The following PTPRK variants were observed in gnomAD, a reference collection of about 807,000 sequenced individuals.
The protein encoded by PTPRK is protein tyrosine phosphatase receptor type K.
PTPRK carries 75 observed loss-of-function variants against 178.0 expected under a neutral mutation model. That is an observed-to-expected ratio of 0.42 (90% CI 0.35 to 0.51). The LOEUF is 0.51. Among genes scored for constraint, PTPRK ranks in the 20% least tolerant of loss-of-function variants. The pLI is 0.02. For synonymous variants in PTPRK, 637 were observed against 620.6 expected (o/e 1.03, Z -0.39); for missense variants, 1,441 against 1,797.8 (o/e 0.80, Z 3.59).
intron 2 of PTPRK, among the ~76,000 whole-genome samples, chr6:128,387,031 G>A (rs1838841890): frequency 6.6e-6 from 1 of 152,144 alleles, no homozygotes; most frequent in African/African-American, 2.4e-5. Context: ...TCGCACCACT[G>A]CACTCCAGCC....
intron 2 of PTPRK, among the ~76,000 whole-genome samples, chr6:128,355,735 A>G (rs1275674336): frequency 6.6e-6 from 1 of 152,218 alleles, no homozygotes. Flanking sequence ...AACATGGCAC[A>G]TGTATACATA....
At chr6:128,331,228 G>A (rs6931593) in intron 2 of PTPRK, among the ~76,000 whole-genome samples, 2,206 of 152,168 alleles carry the variant, frequency 0.014, 54 homozygotes, top group African/African-American at 0.049. Context: ...TAAAAAAGTC[G>A]GACAACTATC....
intron 7 of PTPRK, among the ~76,000 whole-genome samples, chr6:128,097,224 T>C (rs1170273770): frequency 1.3e-5 from 2 of 152,122 alleles, no homozygotes; most frequent in African/African-American, 2.4e-5. Flanking sequence ...TGAAATGACA[T>C]GCTTGGACTC....
intron 3 of PTPRK, among the ~76,000 whole-genome samples, chr6:128,270,744 A>C (rs1277204016): frequency 6.6e-6 from 1 of 152,080 alleles, no homozygotes; most frequent in Non-Finnish European, 1.5e-5. Flanking sequence ...CAGATAGTAC[A>C]CATTTCTTCA....
intron 13 of PTPRK, among the ~76,000 whole-genome samples, chr6:128,043,522 T>C (rs1777530094): frequency 1.7e-5 from 1 of 57,148 alleles, no homozygotes; most frequent in Non-Finnish European, 4.7e-5. Flanking sequence ...TTAAATTCAC[T>C]TATGACCAAT....
At chr6:128,193,652 T>A (rs1331698554) in intron 6 of PTPRK, among the ~76,000 whole-genome samples, 1 of 152,250 alleles carries the variant, frequency 6.6e-6, no homozygotes, top group South Asian at 2.1e-4. Flanking sequence ...TTAATGTCTA[T>A]GACATGGCTC....
chr6:128,184,784 TA>T, intron 6 of PTPRK, 59 bp from the exon 7 acceptor site: 1 of 1,490,710 alleles, frequency 6.7e-7, no homozygotes, highest in Non-Finnish European at 9.1e-7. Context: ...AAAGATATAT[TA>T]GTGTCTAATA....
chr6:128,469,268 G>A (rs1850296993), intron 1 of PTPRK, among the ~76,000 whole-genome samples: 1 of 152,146 alleles, frequency 6.6e-6, no homozygotes, highest in African/African-American at 2.4e-5. Flanking sequence ...TGTATGCCAA[G>A]GGAAGCTGCT....
In PTPRK at chr6:128,184,561, C is replaced by G; in HGVS notation, c.1033G>C (p.Ala345Pro). Residue 345 changes from alanine to proline, a missense_variant, in exon 7 of 30, where the codon GCT becomes CCT. Ala to Pro is a conservative substitution (Grantham distance 27). Coordinates refer to ENST00000368226, the MANE Select transcript of PTPRK (RefSeq NM_002844.4). ...GSWTETHAVN[A>P]PTYKLWHLDP... ...AAATGCCATAATTTGTAAGTTGGAG[C>G]ATTGACTGCATGGGTTTCTGTCCAG... 6.2e-7 allele frequency: 1 copy of G among 1,613,928 alleles called. No homozygotes were observed. Among genetic ancestry groups the G allele is most frequent in the Non-Finnish European group, 8.5e-7 (1 of 1,179,930 alleles).
chr6:128,358,092 T>C (rs1360908526), intron 2 of PTPRK, among the ~76,000 whole-genome samples: 2 of 152,234 alleles, frequency 1.3e-5, no homozygotes, highest in Non-Finnish European at 2.9e-5. Context: ...TTTATAACTT[T>C]AATACTAAAA....
At chr6:128,131,750 G>A (rs180770043) in intron 7 of PTPRK, among the ~76,000 whole-genome samples, 967 of 152,170 alleles carry the variant, frequency 6.4e-3, no homozygotes, top group Non-Finnish European at 8.6e-3. Context: ...CTGTTTATAC[G>A]AAAGCATGAA....
chr6:128,409,882 G>C (rs924167491), intron 1 of PTPRK, among the ~76,000 whole-genome samples: 1 of 152,192 alleles, frequency 6.6e-6, no homozygotes, highest in Non-Finnish European at 1.5e-5. Context: ...GGAACTGTAA[G>C]TCCATTAAAC....
At chr6:128,168,991 C>G (rs115394669) in intron 7 of PTPRK, among the ~76,000 whole-genome samples, 1,615 of 152,166 alleles carry the variant, frequency 0.011, 29 homozygotes, top group African/African-American at 0.037. Context: ...GCAGAAAATA[C>G]TGTGACCTCA....
At chr6:128,101,957 T>C (rs1788864560) in intron 7 of PTPRK, among the ~76,000 whole-genome samples, 1 of 152,184 alleles carries the variant, frequency 6.6e-6, no homozygotes, top group South Asian at 2.1e-4. Context: ...AACAATGTGA[T>C]AAATAATGTT....
At chr6:128,105,346 G>A (rs1239446018) in intron 7 of PTPRK, among the ~76,000 whole-genome samples, 1 of 152,044 alleles carries the variant, frequency 6.6e-6, no homozygotes, top group Non-Finnish European at 1.5e-5. Flanking sequence ...TGTTAGCCAG[G>A]ATGGTCTTGA....
chr6:128,298,486 C>T (rs925419019), intron 3 of PTPRK, among the ~76,000 whole-genome samples: 5 of 151,664 alleles, frequency 3.3e-5, no homozygotes, highest in African/African-American at 1.2e-4. Flanking sequence ...TACTGGCAAA[C>T]CGAATCCAGC....
chr6:128,520,507 C>T lies in PTPRK; in HGVS notation c.-149G>A, dbSNP rs1858899560. 4 of 696,420 alleles carry T rather than the reference C, an allele frequency of 5.7e-6. No homozygotes were observed. Among genetic ancestry groups the T allele is most frequent in the African/African-American group, 1.8e-5 (1 of 55,696 alleles). 43.1% of individuals were successfully genotyped at this position (696,420 alleles called of 1,614,324 possible). A position where few individuals can be genotyped will look rare whatever the true frequency, so the allele number is the denominator to read the frequency against. On this transcript the variant is annotated 5_prime_UTR_variant, in exon 1 of 30. Coordinates refer to ENST00000368226, the MANE Select transcript of PTPRK (RefSeq NM_002844.4). ...CCCGCCCTTTTTCCTTCTTCGCGGT[C>T]GCCAAACTACCTCAGGGGCGAAAGC...
intron 2 of PTPRK, among the ~76,000 whole-genome samples, chr6:128,337,189 C>A (rs760648690): frequency 1.1e-4 from 17 of 151,990 alleles, no homozygotes; most frequent in Non-Finnish European, 2.4e-4. Flanking sequence ...TTTACATTGC[C>A]CACTTTGTAT....
At chr6:128,246,615 C>T (rs755480963) in intron 3 of PTPRK, among the ~76,000 whole-genome samples, 3 of 152,218 alleles carry the variant, frequency 2.0e-5, no homozygotes, top group Non-Finnish European at 4.4e-5. Flanking sequence ...TCTGTCCTGT[C>T]AGGGAAAACA....
Sources: gnomAD v4.1 joint callset for allele counts (sites outside exome capture counted in the v4.1 genomes callset) on GRCh38, gnomAD v4.1.1 for gene constraint, MANE v1.5 for transcripts, NCBI Gene and HGNC (gene_info 2026-07-23, HGNC 2026-07-21) for gene names.